Variants in ANAPC1 observed in about 807,000 individuals in gnomAD.
ANAPC1 encodes anaphase-promoting complex subunit 1.
In ANAPC1, 36 loss-of-function variants were observed where a neutral mutation model predicts 208.0. The ratio of observed to expected loss-of-function variants is 0.17; its 90% CI spans 0.13 to 0.23. The LOEUF (loss-of-function observed/expected upper bound fraction) is 0.23, where lower values mean the gene tolerates loss of function less well. Among genes scored for constraint, ANAPC1 ranks in the 10% least tolerant of loss-of-function variants. ANAPC1 has a pLI of 1.00. For missense variants in ANAPC1, 942 were observed against 2,011.6 expected, an observed-to-expected ratio of 0.47 and a Z score of 10.17; for synonymous variants, 378 against 695.2, an observed-to-expected ratio of 0.54 and a Z score of 7.18.
chr2:111,789,561 G>A lies in ANAPC1; in HGVS notation c.4713-1241C>T, dbSNP rs1328732390. Among the ~76,000 whole-genome samples the A allele has an allele frequency of 4.8e-5, 7 of 145,868 alleles. No homozygotes were observed. The East Asian group carries it at 1.2e-3, about 25-fold the overall frequency. ...TATATTTAATGGATTAGAAAGAAGAGATTTCAAAATTTAAGCAAAGAGATA... is the reference window on the plus strand; with the variant it reads ...TATATTTAATGGATTAGAAAGAAGAAATTTCAAAATTTAAGCAAAGAGATA... On this transcript the variant is annotated intron_variant, in intron 38 of 47. Coordinates refer to ENST00000341068, the MANE Select transcript of ANAPC1 (RefSeq NM_022662.4).
At position 111,772,393 on chromosome 2, in the gene ANAPC1, G is replaced by A. The variant is rs772269461; in HGVS notation, c.5667C>T (p.Leu1889=). 13 of 1,607,562 alleles carry A rather than the reference G, an allele frequency of 8.1e-6. No homozygotes were observed. The highest frequency in any genetic ancestry group is 3.4e-5 in the Admixed American group (2 of 59,400). Residue 1889 remains leucine, a synonymous_variant, in exon 47 of 48, where the codon CTC becomes CTT. Transcript: ENST00000341068. The part of the protein sequence containing the change: ...ESQLSMLACF[L]VYHSVPAPQH... ...GTGGAGCTGGCACAGAGTGGTAGAC[G>A]AGGAAGCAGGCCAGCATGCTCAGCT...
At chr2:111,797,560 C>T (rs1678226618) in intron 34 of ANAPC1, among the ~76,000 whole-genome samples, 4 of 151,312 alleles carry the variant, frequency 2.6e-5, no homozygotes, top group Admixed American at 2.6e-4. Flanking sequence ...AAGAACTAAA[C>T]AAATAAAAAC....
intron 15 of ANAPC1, among the ~76,000 whole-genome samples, chr2:111,847,413 A>C (rs1446492095): frequency 6.6e-6 from 1 of 152,238 alleles, no homozygotes; most frequent in Admixed American, 6.5e-5. Context: ...AAAAGTGTCT[A>C]ATCTTTATAC....
chr2:111,831,854 G>A (rs1461160710), intron 20 of ANAPC1, among the ~76,000 whole-genome samples: 2 of 120,972 alleles, frequency 1.7e-5, no homozygotes, highest in Non-Finnish European at 3.5e-5. Flanking sequence ...AAAGAATAAC[G>A]TTTTTCCATA....
chr2:111,840,641 G>A (rs561297331), intron 17 of ANAPC1, among the ~76,000 whole-genome samples: 4 of 152,266 alleles, frequency 2.6e-5, no homozygotes, highest in South Asian at 2.1e-4. Flanking sequence ...GAAAGCTGAC[G>A]CGTTTTTTCA....
At chr2:111,819,251 A>C in intron 26 of ANAPC1, 1 of 984,822 alleles carries the variant, frequency 1.0e-6, no homozygotes, top group South Asian at 4.7e-5. Context: ...ATTCAAAAAA[A>C]AAAAGAAATT....
intron 20 of ANAPC1, among the ~76,000 whole-genome samples, chr2:111,832,623 A>G (rs1680210827): frequency 6.6e-6 from 1 of 152,210 alleles, no homozygotes. Context: ...GTACACTACA[A>G]GTCTAAGTTA....
At chr2:111,798,995 C>T (rs1678302937) in intron 34 of ANAPC1, among the ~76,000 whole-genome samples, 1 of 151,030 alleles carries the variant, frequency 6.6e-6, no homozygotes, top group African/African-American at 2.4e-5. Context: ...GATCACACCA[C>T]TGCACTCCAG....
intron 29 of ANAPC1, among the ~76,000 whole-genome samples, chr2:111,806,203 GT>G (rs1678667524): frequency 8.8e-6 from 1 of 113,956 alleles, no homozygotes; most frequent in African/African-American, 3.5e-5. Context: ...AGGGAAAAAG[GT>G]AAGAGTATTC....
At chr2:111,877,417 G>T in intron 3 of ANAPC1, among the ~76,000 whole-genome samples, 1 of 152,012 alleles carries the variant, frequency 6.6e-6, no homozygotes, top group East Asian at 1.9e-4. Flanking sequence ...TTTTATAATG[G>T]AAAATTTCAA....
intron 6 of ANAPC1, among the ~76,000 whole-genome samples, chr2:111,872,029 C>T (rs1187846492): frequency 6.6e-6 from 1 of 152,140 alleles, no homozygotes; most frequent in Non-Finnish European, 1.5e-5. Context: ...CAGTACTATG[C>T]TGAATAGAAA....
At chr2:111,872,757 C>T (rs775882636) in intron 5 of ANAPC1, 45 bp from the exon 6 acceptor site, 138 of 1,235,850 alleles carry the variant, frequency 1.1e-4, no homozygotes, top group Non-Finnish European at 1.5e-4. Context: ...AGAGAACCTA[C>T]CCCTTTATAA....
intron 46 of ANAPC1, 54 bp from the exon 47 acceptor site, chr2:111,772,529 A>G: frequency 1.4e-6 from 1 of 714,736 alleles, no homozygotes; most frequent in Non-Finnish European, 2.2e-6. Context: ...TGAGAGGCAC[A>G]AGAAATATCT....
intron 16 of ANAPC1, among the ~76,000 whole-genome samples, chr2:111,846,552 T>C (rs1448620988): frequency 2.8e-3 from 196 of 70,052 alleles, no homozygotes; most frequent in Non-Finnish European, 3.6e-3. Context: ...TATATATATA[T>C]ATATATATTT....
chr2:111,856,989 C>T lies in ANAPC1; in HGVS notation c.1359-103G>A, dbSNP rs542774964. ...AAAGACAATCTCAGAAGTTTACATACTGTATGAGCCCATTTATATAACATT... is the reference window on the plus strand; with the variant it reads ...AAAGACAATCTCAGAAGTTTACATATTGTATGAGCCCATTTATATAACATT... On this transcript the variant is annotated intron_variant, in intron 11 of 47. Transcript: ENST00000341068. 35 of 771,390 alleles carry T rather than the reference C, an allele frequency of 4.5e-5. No homozygotes were observed. The South Asian group carries it at 5.5e-4, about 12-fold the overall frequency. The allele number at this position is 771,390 out of a possible 1,614,324, so 47.8% of individuals were successfully genotyped here. A position where few individuals can be genotyped will look rare whatever the true frequency, so the allele number is the denominator to read the frequency against.
chr2:111,824,832 T>G (rs936739452), intron 24 of ANAPC1, 134 bp downstream of exon 24: 1 of 935,266 alleles, frequency 1.1e-6, no homozygotes, highest in Non-Finnish European at 1.6e-6. Context: ...AAAAAGAATA[T>G]GGCTTGATGA....
At chr2:111,793,292 G>C (rs1344471384) in intron 37 of ANAPC1, among the ~76,000 whole-genome samples, 12 of 151,892 alleles carry the variant, frequency 7.9e-5, no homozygotes. Flanking sequence ...AGGCTGAAGT[G>C]CAGTGATGCA....
intron 38 of ANAPC1, among the ~76,000 whole-genome samples, chr2:111,792,000 A>G (rs1677901353): frequency 6.6e-6 from 1 of 151,774 alleles, no homozygotes; most frequent in South Asian, 2.1e-4. Flanking sequence ...CTGAAAACTA[A>G]GAAAATGTCA....
At chr2:111,873,704 C>A (rs1558743533) in intron 3 of ANAPC1, 40 bp from the exon 4 acceptor site, 23 of 1,539,710 alleles carry the variant, frequency 1.5e-5, no homozygotes, top group East Asian at 2.4e-5. Flanking sequence ...AAAATTATAT[C>A]TAAATAATCA....
Sources: allele counts gnomAD v4.1 joint callset (sites outside exome capture counted in the v4.1 genomes callset), GRCh38; gene constraint gnomAD v4.1.1; transcripts MANE v1.5; gene names NCBI Gene and HGNC (gene_info 2026-07-23, HGNC 2026-07-21).